NADK: variants seen among roughly 807,000 people sequenced by gnomAD.
NADK encodes NAD kinase.
In NADK, 22 loss-of-function variants were observed where a neutral mutation model predicts 49.8. The observed-to-expected ratio is 0.44, with a 90% CI of 0.32 to 0.63. The LOEUF is 0.63. NADK is among the 30% of genes least tolerant of loss of function. The pLI is 0.06. For missense variants in NADK, 438 were observed against 609.4 expected, an observed-to-expected ratio of 0.72 and a Z score of 2.96; for synonymous variants, 268 against 253.7, an observed-to-expected ratio of 1.06 and a Z score of -0.54.
upstream of NADK, chr1:1,778,705 C>T (rs1391692187): frequency 6.6e-6 from 1 of 151,760 alleles, no homozygotes; most frequent in Non-Finnish European, 1.5e-5. The surrounding 1 kb of genome is among the most constrained non-coding windows in gnomAD (Gnocchi z 4.9). Flanking sequence ...CGGGGGTCGG[C>T]GCCCCGAGGA....
chr1:1,766,074 T>C (rs1282397275), intron 1 of NADK, among the ~76,000 whole-genome samples: 5 of 151,742 alleles, frequency 3.3e-5, no homozygotes, highest in Admixed American at 3.3e-4. Context: ...TCAAGACCAC[T>C]CTGGGCAACA....
intron 2 of NADK, 144 bp downstream of exon 2, chr1:1,765,084 C>A: frequency 1.2e-6 from 1 of 807,070 alleles, no homozygotes; most frequent in Non-Finnish European, 1.9e-6. Flanking sequence ...TTCAAGGGCA[C>A]AGCTTCACCT....
At chr1:1,757,407 G>A in intron 3 of NADK, 97 bp from the exon 4 acceptor site, 2 of 1,168,172 alleles carry the variant, frequency 1.7e-6, no homozygotes, top group Non-Finnish European at 1.2e-6. Flanking sequence ...CTTTAAAAAG[G>A]TGTTTTCACC....
chr1:1,776,697 C>T (rs192468889), intron 1 of NADK, among the ~76,000 whole-genome samples: 22 of 150,458 alleles, frequency 1.5e-4, no homozygotes, highest in East Asian at 1.2e-3. Context: ...CACTTGAACC[C>T]GGGAGGTGGA....
At chr1:1,759,142 C>T (rs936026548) in intron 3 of NADK, 1 of 1,555,658 alleles carries the variant, frequency 6.4e-7, no homozygotes, top group Non-Finnish European at 8.7e-7. Flanking sequence ...TGAGGCTCAG[C>T]TGAGCCCAGC....
At position 1,762,024 on chromosome 1, in the gene NADK, G is replaced by C. The variant is rs771216147; in HGVS notation, c.191C>G (p.Ser64Cys). ...GSTKEFRRTR[S>C]LHGPCPVTTF... ...GGTCACCGGGCATGGCCCATGAAGAGAGCGTGTCCTCCTGTGGGGAGAGGG... is the reference window on the plus strand; with the variant it reads ...GGTCACCGGGCATGGCCCATGAAGACAGCGTGTCCTCCTGTGGGGAGAGGG... The change falls in exon 3 of 12, where the codon TCT (serine) becomes TGT (cysteine). Residue 64 changes from serine to cysteine, a missense_variant. Ser to Cys is a moderately radical substitution (Grantham distance 112). Transcript: ENST00000341426. 51 of 1,613,864 alleles carry C rather than the reference G, an allele frequency of 3.2e-5. No individual in the cohort carries two copies. The highest frequency in any genetic ancestry group is 4.2e-5 in the Non-Finnish European group (49 of 1,179,978).
chr1:1,764,761 C>G (rs776655450), intron 2 of NADK, among the ~76,000 whole-genome samples: 14 of 152,186 alleles, frequency 9.2e-5, no homozygotes, highest in Non-Finnish European at 1.6e-4. Context: ...ATTAGCCGGG[C>G]ATGGTGGTGC....
In NADK at chr1:1,754,273, G is replaced by A. The variant is rs769136790; in HGVS notation, c.943+11C>T. 5 of 1,613,380 alleles carry A rather than the reference G, an allele frequency of 3.1e-6. No homozygotes were observed. The East Asian group carries it at 1.1e-4, about 36-fold the overall frequency. Reference sequence around the variant, plus strand: ...ACGCTCAGGGCCCCAGGACAGTGCTGCGGGCCTTACCGTCGCCCTGCACCG... The same window carrying A: ...ACGCTCAGGGCCCCAGGACAGTGCTACGGGCCTTACCGTCGCCCTGCACCG... On this transcript the variant is annotated intron_variant, in intron 9 of 11. Transcript: ENST00000341426. The surrounding 1 kb of genome is among the most constrained non-coding windows in gnomAD (Gnocchi z 4.3).
chr1:1,755,249 C>T (rs1468389728), intron 7 of NADK, 125 bp downstream of exon 7: 14 of 738,674 alleles, frequency 1.9e-5, no homozygotes, highest in Middle Eastern at 2.4e-4. Context: ...TTTAGAAATC[C>T]CTGAATCTTG....
At chr1:1,761,417 C>A (rs968655388) in intron 3 of NADK, among the ~76,000 whole-genome samples, 1 of 152,198 alleles carries the variant, frequency 6.6e-6, no homozygotes, top group African/African-American at 2.4e-5. Flanking sequence ...TGAGCCACTG[C>A]GCCCAGCCTG....
At position 1,756,386 on chromosome 1, in the gene NADK, T is replaced by C. The variant is rs376138026; in HGVS notation, c.500-43A>G. Reference sequence around the variant, plus strand: ...AAACCAAGAAGAGGCTGTCACACAGTGGCCCCTCTGTGGCGCAGTGCGCAG... The same window carrying C: ...AAACCAAGAAGAGGCTGTCACACAGCGGCCCCTCTGTGGCGCAGTGCGCAG... On this transcript the variant is annotated intron_variant, in intron 5 of 11. Coordinates refer to ENST00000341426, the MANE Select transcript of NADK (RefSeq NM_023018.5). The C allele has an allele frequency of 2.4e-5, 38 of 1,604,512 alleles. 1 individual carries two copies. The highest frequency in any genetic ancestry group is 2.0e-4 in the South Asian group (18 of 90,908).
intron 5 of NADK, 24 bp from the exon 6 acceptor site, chr1:1,756,367 A>G: frequency 2.5e-6 from 4 of 1,612,246 alleles, no homozygotes; most frequent in Non-Finnish European, 3.4e-6. Flanking sequence ...AGCAAAACCA[A>G]GAAGAGGCTG....
At chr1:1,762,412 C>T (rs968022603) in intron 2 of NADK, among the ~76,000 whole-genome samples, 1 of 152,178 alleles carries the variant, frequency 6.6e-6, no homozygotes, top group East Asian at 1.9e-4. Flanking sequence ...ATCTCTAAAT[C>T]GTCTAGATTA....
At chr1:1,758,369 T>A (rs1645599191) in intron 3 of NADK, 2 of 1,609,918 alleles carry the variant, frequency 1.2e-6, no homozygotes, top group East Asian at 4.5e-5. Context: ...ACTCACCCTG[T>A]GCAGGCATTA....
In NADK at chr1:1,756,351, A is replaced by T. The variant is rs1249498519; in HGVS notation, c.500-8T>A. ...TGGAAATGTCATCATAATCTAGGAA[A>T]CACAAAGCAAAACCAAGAAGAGGCT... On this transcript the variant is annotated splice_polypyrimidine_tract_variant and splice_region_variant and intron_variant, in intron 5 of 11. Transcript: ENST00000341426. 3 of 1,613,596 alleles carry T rather than the reference A, an allele frequency of 1.9e-6. No homozygotes were observed. Among genetic ancestry groups the T allele is most frequent in the Non-Finnish European group, 2.5e-6 (3 of 1,179,652 alleles).
Position 1,754,909 on chromosome 1 carries a change from C to CCT in NADK, c.689-213_689-212dup, listed in dbSNP as rs1411154808. ...TGATCTTGGCTCACTGCAACCTCTG[C>CCT]CTCCCAGGTTCAAGTGATTCTCCTG... On this transcript the variant is annotated intron_variant, in intron 7 of 11. Transcript: ENST00000341426. This position sits in a 1 kb window ranked among gnomAD's most constrained non-coding sequence, Gnocchi z 4.3. 3.8e-6 allele frequency: 2 copies of CCT among 520,478 alleles called. No individual in the cohort carries two copies. Among genetic ancestry groups the CCT allele is most frequent in the Admixed American group, 7.5e-5 (2 of 26,704 alleles). 32.2% of individuals were successfully genotyped at this position (520,478 alleles called of 1,614,324 possible). A position where few individuals can be genotyped will look rare whatever the true frequency, so the allele number is the denominator to read the frequency against.
chr1:1,762,963 G>A (rs1645773878), intron 2 of NADK, among the ~76,000 whole-genome samples: 1 of 152,218 alleles, frequency 6.6e-6, no homozygotes, highest in South Asian at 2.1e-4. Context: ...CCTCGTCCTA[G>A]GTGCCCGGGA....
In NADK at chr1:1,762,008, G is replaced by C; in HGVS notation, c.207C>G (p.Cys69Trp). 1 of 1,614,056 alleles carries C rather than the reference G, an allele frequency of 6.2e-7. No individual in the cohort carries two copies. Among genetic ancestry groups the C allele is most frequent in the African/African-American group, 1.3e-5 (1 of 75,060 alleles). ...CCTTTGGTCCAAAAGTGGTCACCGG[G>C]CATGGCCCATGAAGAGAGCGTGTCC... ...FRRTRSLHGP[C>W]PVTTFGPKAC... The change falls in exon 3 of 12, where the codon TGC becomes TGG. Residue 69 changes from cysteine (C) to tryptophan (W), a missense_variant. By Grantham distance (215) the Cys-to-Trp change is radical. Transcript: ENST00000341426.
rs1275614375 is a variant in NADK at position 1,778,452 on chromosome 1, T to A, written c.-204A>T. On this transcript the variant is annotated 5_prime_UTR_variant, in exon 1 of 12. Transcript: ENST00000341426. This position sits in a 1 kb window ranked among gnomAD's most constrained non-coding sequence, Gnocchi z 4.9. ...CGGCGCCGGCGCCGCCGAGCAGCAA[T>A]GCGCCGCGCCCGCCCACTGCGCAGG... 1.4e-5 allele frequency: 2 copies of A among 147,432 alleles called. No homozygotes were observed. Among genetic ancestry groups the A allele is most frequent in the Non-Finnish European group, 3.0e-5 (2 of 66,204 alleles). The allele number at this position is 147,432 out of a possible 1,614,324, so 9.1% of individuals were successfully genotyped here.
Sources: allele counts gnomAD v4.1 joint callset (sites outside exome capture counted in the v4.1 genomes callset), GRCh38; gene constraint gnomAD v4.1.1; non-coding constraint Gnocchi (gnomAD v3.1); transcripts MANE v1.5; gene names NCBI Gene and HGNC (gene_info 2026-07-23, HGNC 2026-07-21).